Variants in RBFOX1 observed in about 807,000 individuals in gnomAD.
RBFOX1 encodes RNA binding fox-1 homolog 1.
RBFOX1 carries 8 observed loss-of-function variants against 57.7 expected under a neutral mutation model. The ratio of observed to expected loss-of-function variants is 0.14; its 90% CI spans 0.08 to 0.25. The LOEUF is 0.25. Ranked by LOEUF, RBFOX1 falls within the 10% of genes least tolerant of loss-of-function variation. RBFOX1 has a pLI of 1.00. For synonymous variants in RBFOX1, 326 were observed against 222.4 expected, an observed-to-expected ratio of 1.47 and a Z score of -4.15; for missense variants, 611 against 548.5, an observed-to-expected ratio of 1.11 and a Z score of -1.14.
At chr16:7,684,717 A>G (rs901340734) in intron 14 of RBFOX1, among the ~76,000 whole-genome samples, 2 of 151,876 alleles carry the variant, frequency 1.3e-5, no homozygotes, top group African/African-American at 4.8e-5. Context: ...TTTAGAATGT[A>G]TTAAGAGATG....
intron 3 of RBFOX1, among the ~76,000 whole-genome samples, chr16:7,014,592 GA>G (rs2093813764): frequency 6.6e-6 from 1 of 151,916 alleles, no homozygotes; most frequent in South Asian, 2.1e-4. Context: ...TTTTAAAGGG[GA>G]TAACTGTCTT....
intron 2 of RBFOX1, among the ~76,000 whole-genome samples, chr16:5,535,633 G>T (rs1169673201): frequency 1.3e-5 from 2 of 152,182 alleles, no homozygotes; most frequent in Non-Finnish European, 2.9e-5. Context: ...AAGGTAGCCT[G>T]TGTTTTGCAA....
intron 2 of RBFOX1, among the ~76,000 whole-genome samples, chr16:6,651,694 T>C (rs117788908): frequency 2.6e-5 from 4 of 152,116 alleles, no homozygotes; most frequent in African/African-American, 9.7e-5. Context: ...GGTTTGGCAA[T>C]CTCACTTCTG....
At chr16:6,631,810 G>A (rs1035416382) in intron 2 of RBFOX1, among the ~76,000 whole-genome samples, 1 of 152,086 alleles carries the variant, frequency 6.6e-6, no homozygotes, top group Admixed American at 6.5e-5. Flanking sequence ...TCTGCAGGGG[G>A]CGGGGGTAGA....
chr16:6,599,806 G>A (rs964524723), intron 2 of RBFOX1, among the ~76,000 whole-genome samples: 10 of 152,186 alleles, frequency 6.6e-5, no homozygotes, highest in South Asian at 6.2e-4. Flanking sequence ...TTTCTGAAAG[G>A]CAATTAATGA....
At chr16:6,309,526 C>G (rs950667203) in intron 1 of RBFOX1, among the ~76,000 whole-genome samples, 1 of 152,152 alleles carries the variant, frequency 6.6e-6, no homozygotes, top group African/African-American at 2.4e-5. Flanking sequence ...GTGCGCCTGA[C>G]AGGAGGCTCA....
chr16:5,450,508 T>C (rs770541649), intron 1 of RBFOX1, among the ~76,000 whole-genome samples: 8 of 152,164 alleles, frequency 5.3e-5, no homozygotes, highest in African/African-American at 7.2e-5. Flanking sequence ...GGGGCGGGCC[T>C]CTCTGGCATC....
chr16:6,201,173 C>T (rs1329294873), intron 1 of RBFOX1, among the ~76,000 whole-genome samples: 1 of 152,040 alleles, frequency 6.6e-6, no homozygotes, highest in African/African-American at 2.4e-5. Context: ...TCCATTGTAT[C>T]TATGGTACCA....
intron 1 of RBFOX1, among the ~76,000 whole-genome samples, chr16:6,293,925 G>C (rs2077769755): frequency 7.7e-6 from 1 of 130,042 alleles, no homozygotes; most frequent in African/African-American, 2.8e-5. Context: ...ACGAATTGCA[G>C]GAATTTTTAC....
At chr16:5,371,894 G>C (rs1051730976) in intron 1 of RBFOX1, among the ~76,000 whole-genome samples, 1 of 152,166 alleles carries the variant, frequency 6.6e-6, no homozygotes. Flanking sequence ...CCGAGTCAAC[G>C]GGAGGTTTCC....
At chr16:7,061,205 C>G (rs943937815) in intron 4 of RBFOX1, among the ~76,000 whole-genome samples, 1 of 152,112 alleles carries the variant, frequency 6.6e-6, no homozygotes, top group African/African-American at 2.4e-5. Flanking sequence ...GCAAATGATC[C>G]CCAGGGGCAG....
intron 4 of RBFOX1, among the ~76,000 whole-genome samples, chr16:7,349,874 C>T (rs551541285): frequency 1.7e-3 from 259 of 152,212 alleles, no homozygotes; most frequent in African/African-American, 5.8e-3. Flanking sequence ...GGGCCAGGCA[C>T]GGTGGCTCAT....
At chr16:5,883,053 G>C (rs1185806357) in intron 4 of RBFOX1, among the ~76,000 whole-genome samples, 1 of 152,180 alleles carries the variant, frequency 6.6e-6, no homozygotes, top group Non-Finnish European at 1.5e-5. Flanking sequence ...CTCAAAGCCT[G>C]TACAAGCAGC....
At chr16:6,216,057 C>G (rs1406421546) in intron 1 of RBFOX1, among the ~76,000 whole-genome samples, 2 of 152,070 alleles carry the variant, frequency 1.3e-5, no homozygotes, top group Admixed American at 1.3e-4. Flanking sequence ...CATGTTCTCG[C>G]TTGTAAGAGA....
intron 3 of RBFOX1, among the ~76,000 whole-genome samples, chr16:6,884,967 C>T (rs2063691912): frequency 6.6e-6 from 1 of 152,158 alleles, no homozygotes; most frequent in African/African-American, 2.4e-5. Flanking sequence ...GACCGCAACC[C>T]AGATCTATCT....
At chr16:6,956,230 G>C (rs1470062489) in intron 3 of RBFOX1, among the ~76,000 whole-genome samples, 1 of 152,180 alleles carries the variant, frequency 6.6e-6, no homozygotes, top group Non-Finnish European at 1.5e-5. Flanking sequence ...GAGAGGCAGA[G>C]GAGAAGGACT....
chr16:7,033,612 G>T lies in RBFOX1; in HGVS notation c.-15-18445G>T, dbSNP rs187494071. Among the ~76,000 whole-genome samples, 6 of 152,326 alleles carry T rather than the reference G, an allele frequency of 3.9e-5. No homozygotes were observed. The South Asian group carries it at 1.0e-3, about 26-fold the overall frequency. On this transcript the variant is annotated intron_variant, in intron 3 of 15. Coordinates refer to ENST00000550418, the MANE Select transcript of RBFOX1 (RefSeq NM_018723.4). The stretch of plus-strand genomic sequence containing the variant: ...TGCTTAGGATAACTTTAAAGACACA[G>T]AATGGCTCCCTGTGGGGCAACTTAA...
intron 3 of RBFOX1, among the ~76,000 whole-genome samples, chr16:6,937,244 G>C (rs531137931): frequency 4.6e-5 from 7 of 152,058 alleles, no homozygotes; most frequent in East Asian, 1.9e-4. Context: ...TGGGTACTCA[G>C]ATACCCAGAT....
chr16:6,579,611 C>T (rs916062520), intron 2 of RBFOX1, among the ~76,000 whole-genome samples: 2 of 152,184 alleles, frequency 1.3e-5, no homozygotes, highest in Non-Finnish European at 2.9e-5. Context: ...TTTGCTTCCC[C>T]TTCCGCCACG....
Sources: gnomAD v4.1 joint callset for allele counts (sites outside exome capture counted in the v4.1 genomes callset) on GRCh38, gnomAD v4.1.1 for gene constraint, MANE v1.5 for transcripts, NCBI Gene and HGNC (gene_info 2026-07-23, HGNC 2026-07-21) for gene names.